DNHD1: variants seen among roughly 807,000 people sequenced by gnomAD.
DNHD1 encodes the protein dynein heavy chain domain-containing protein 1.
In DNHD1, 383 loss-of-function variants were observed where a neutral mutation model predicts 458.1. That is an observed-to-expected ratio of 0.84 (90% CI 0.77 to 0.91). DNHD1 has a LOEUF of 0.91. DNHD1 is among the 40% of genes least tolerant of loss of function. The pLI is 0.00. For missense variants in DNHD1, 5,336 were observed against 5,866.1 expected (o/e 0.91, Z 2.95); for synonymous variants, 2,203 against 2,376.9 (o/e 0.93, Z 2.13).
intron 10 of DNHD1, among the ~76,000 whole-genome samples, chr11:6,524,259 A>G (rs1220106637): frequency 6.6e-6 from 1 of 152,216 alleles, no homozygotes; most frequent in Non-Finnish European, 1.5e-5. Flanking sequence ...TACTAACTTC[A>G]AAGGTAGAGA....
chr11:6,546,741 G>A lies in DNHD1; in HGVS notation c.5802G>A (p.Ala1934=), dbSNP rs1335423746. The A allele has an allele frequency of 1.0e-4, 159 of 1,551,678 alleles. No homozygotes were observed. Among genetic ancestry groups the A allele is most frequent in the Middle Eastern group, 1.7e-4 (1 of 6,014 alleles). The part of the protein sequence containing the change: ...HLHNLRGLLC[A]LFPSASQVLA... ...ACAACCTCCGAGGGCTGTTGTGTGCGCTTTTCCCTAGCGCCAGCCAAGTGC... is the reference window on the plus strand; with the variant it reads ...ACAACCTCCGAGGGCTGTTGTGTGCACTTTTCCCTAGCGCCAGCCAAGTGC... The change falls in exon 21 of 43, where the codon GCG becomes GCA. Residue 1934 remains alanine (A), a synonymous_variant. Transcript: ENST00000254579.
Position 6,558,659 on chromosome 11 carries a change from C to A in DNHD1, c.9177C>A (p.His3059Gln). 1 of 1,551,254 alleles carries A rather than the reference C, an allele frequency of 6.4e-7. No homozygotes were observed. Among genetic ancestry groups the A allele is most frequent in the Non-Finnish European group, 8.7e-7 (1 of 1,146,990 alleles). Residue 3059 changes from histidine (H) to glutamine (Q), a missense_variant, in exon 26 of 43, where the codon CAC (histidine) becomes CAA (glutamine). His to Gln is a conservative substitution (Grantham distance 24, BLOSUM62 0). Transcript: ENST00000254579. ...QAALAKVAQH[H>Q]LEGAQSVPLD... Reference sequence around the variant, plus strand: ...CCCTGGCCAAGGTGGCCCAGCATCACCTGGAGGGTGCTCAGAGTGTGCCCC... The same window carrying A: ...CCCTGGCCAAGGTGGCCCAGCATCAACTGGAGGGTGCTCAGAGTGTGCCCC...
intron 10 of DNHD1, among the ~76,000 whole-genome samples, chr11:6,522,532 G>A (rs377708153): frequency 5.3e-5 from 8 of 152,252 alleles, no homozygotes; most frequent in African/African-American, 1.7e-4. Flanking sequence ...GATTAGTACC[G>A]TGATGAAATA....
rs1028975820 is a variant in DNHD1, at chr11:6,566,001, G to A, written c.11053+10G>A. 2.6e-6 allele frequency: 4 copies of A among 1,551,164 alleles called. No individual in the cohort carries two copies. Among genetic ancestry groups the A allele is most frequent in the South Asian group, 2.4e-5 (2 of 84,010 alleles). On this transcript the variant is annotated intron_variant, in intron 33 of 42. Transcript: ENST00000254579. The stretch of plus-strand genomic sequence containing the variant: ...GAGGCAGCTGCTTGTGGTGAGAGCT[G>A]GTCCCCACCCACCCTGGCCCCTTTT...
At chr11:6,539,342 G>C (rs1470219356) in intron 17 of DNHD1, 29 bp downstream of exon 17, 4 of 1,504,160 alleles carry the variant, frequency 2.7e-6, no homozygotes, top group Non-Finnish European at 3.6e-6. Context: ...GGGCGAGGGA[G>C]GTGGTCCAAA....
Position 6,545,820 on chromosome 11 carries a change from A to G in DNHD1, c.4881A>G (p.Ala1627=), listed in dbSNP as rs998102989. Residue 1627 remains alanine, a synonymous_variant, in exon 21 of 43, where the codon GCA becomes GCG. Transcript: ENST00000254579. The surrounding 1 kb of genome is among the most constrained non-coding windows in gnomAD (Gnocchi z 4.9). The part of the protein sequence containing the change: ...KSPLQSLKTI[A]SSEPSLSPAA... ...CCCTACAGAGTCTTAAGACTATTGC[A>G]TCTTCTGAACCCTCTCTGTCACCAG... is the stretch of plus-strand genomic sequence containing the variant. 3 of 1,551,730 alleles carry G rather than the reference A, an allele frequency of 1.9e-6. No homozygotes were observed. Among genetic ancestry groups the G allele is most frequent in the African/African-American group, 2.7e-5 (2 of 73,050 alleles).
At chr11:6,528,404 G>GGTGTGTGTGTGTGT (rs55919773) in intron 10 of DNHD1, 118 bp from the exon 11 acceptor site, 11 of 880,196 alleles carry the variant, frequency 1.2e-5, no homozygotes, top group African/African-American at 1.7e-5. Flanking sequence ...GCAGCGAATG[G>GGTGTGTGTGTGTGT]GTGTGTGTGT....
At chr11:6,516,633 T>C (rs192163990) in intron 7 of DNHD1, among the ~76,000 whole-genome samples, 483 of 152,218 alleles carry the variant, frequency 3.2e-3, no homozygotes, top group African/African-American at 0.011. Context: ...CCATAAATTA[T>C]GTATTTATTA....
chr11:6,571,428 C>A lies in DNHD1; in HGVS notation c.13911+5C>A. Reference sequence around the variant, plus strand: ...AGCAACCCTCTGCACTTCAGGGTATCTTCGCGCCGCCCCTCGTTCGCGGTT... The same window carrying A: ...AGCAACCCTCTGCACTTCAGGGTATATTCGCGCCGCCCCTCGTTCGCGGTT... On this transcript the variant is annotated splice_donor_5th_base_variant and intron_variant, in intron 42 of 42. Transcript: ENST00000254579. The surrounding 1 kb of genome is among the most constrained non-coding windows in gnomAD (Gnocchi z 5.0). 1 of 1,578,656 alleles carries A rather than the reference C, an allele frequency of 6.3e-7. No individual in the cohort carries two copies. Among genetic ancestry groups the A allele is most frequent in the Admixed American group, 1.8e-5 (1 of 57,112 alleles).
intron 13 of DNHD1, 22 bp downstream of exon 13, chr11:6,533,206 T>C: frequency 1.3e-6 from 2 of 1,549,694 alleles, no homozygotes; most frequent in South Asian, 2.4e-5. Flanking sequence ...CCATCCATCC[T>C]TCCCAGTTTA....
Position 6,545,230 on chromosome 11 carries a change from G to T in DNHD1, c.4291G>T (p.Glu1431Ter). The change falls in exon 21 of 43, where the codon GAG (glutamate) becomes TAG (stop). Residue 1431 changes from glutamate (E) to a stop codon, truncating the protein, a stop_gained. Coordinates refer to ENST00000254579, the MANE Select transcript of DNHD1 (RefSeq NM_144666.3). LOFTEE classifies it high-confidence loss of function. This position sits in a 1 kb window ranked among gnomAD's most constrained non-coding sequence, Gnocchi z 4.9. ...TGCAGTGCTAGGGGCAGGTGGGGAGGAGGTGAAGCTGCAGGGTCCCCTTCC... is the reference window on the plus strand; with the variant it reads ...TGCAGTGCTAGGGGCAGGTGGGGAGTAGGTGAAGCTGCAGGGTCCCCTTCC... ...ALAVLGAGGEEVKLQGPLPLH... is the reference protein window; with the variant it reads ...ALAVLGAGGE 6.4e-7 allele frequency: 1 copy of T among 1,551,840 alleles called. No homozygotes were observed. The highest frequency in any genetic ancestry group is 8.7e-7 in the Non-Finnish European group (1 of 1,147,020).
intron 7 of DNHD1, among the ~76,000 whole-genome samples, chr11:6,514,933 C>CTGA (rs1852426926): frequency 6.6e-6 from 1 of 152,166 alleles, no homozygotes; most frequent in South Asian, 2.1e-4. Flanking sequence ...GTATCACATA[C>CTGA]TGATGAGACA....
chr11:6,534,379 G>GT, intron 14 of DNHD1: 2 of 584,700 alleles, frequency 3.4e-6, no homozygotes, highest in Non-Finnish European at 5.9e-6. Context: ...TAGGGTGGGG[G>GT]TATGGGGGCT....
At chr11:6,516,412 C>T (rs978724657) in intron 7 of DNHD1, among the ~76,000 whole-genome samples, 3 of 151,598 alleles carry the variant, frequency 2.0e-5, no homozygotes, top group Non-Finnish European at 4.4e-5. Context: ...ATTCTCCTAC[C>T]TCAGCCTCCC....
intron 10 of DNHD1, among the ~76,000 whole-genome samples, chr11:6,522,983 T>C (rs965589862): frequency 1.8e-4 from 28 of 152,244 alleles, no homozygotes; most frequent in Admixed American, 1.0e-3. Context: ...TACTATTTGA[T>C]GTCCTTACAA....
Position 6,568,337 on chromosome 11 carries a change from A to G in DNHD1, c.12538+95A>G. ...CCTCATGGCCAGTGACCTAGCACCA[A>G]ACTTGTCCACTTGGCCTTGTATCTG... On this transcript the variant is annotated intron_variant, in intron 37 of 42. Coordinates refer to ENST00000254579, the MANE Select transcript of DNHD1 (RefSeq NM_144666.3). 2.6e-6 allele frequency: 4 copies of G among 1,557,412 alleles called. No homozygotes were observed. The South Asian group carries it at 4.8e-5, about 19-fold the overall frequency.
chr11:6,546,535 G>A lies in DNHD1; in HGVS notation c.5596G>A (p.Val1866Met). Residue 1866 changes from valine (V) to methionine (M), a missense_variant, in exon 21 of 43, where the codon GTG becomes ATG. By Grantham distance (21) the Val-to-Met change is conservative. Coordinates refer to ENST00000254579, the MANE Select transcript of DNHD1 (RefSeq NM_144666.3). Reference sequence around the variant, plus strand: ...ATTCTTCTCTCTAGAGCGTGAGCTGGTGTCTGGGCCCCTGCCCTGCCGCCT... The same window carrying A: ...ATTCTTCTCTCTAGAGCGTGAGCTGATGTCTGGGCCCCTGCCCTGCCGCCT... ...SKFFSLEREL[V>M]SGPLPCRLPL... The A allele has an allele frequency of 1.9e-6, 3 of 1,551,382 alleles. No homozygotes were observed. The highest frequency in any genetic ancestry group is 2.6e-6 in the Non-Finnish European group (3 of 1,146,986).
At chr11:6,544,092 G>T in intron 18 of DNHD1, 29 bp from the exon 19 acceptor site, 2 of 1,546,668 alleles carry the variant, frequency 1.3e-6, no homozygotes, top group South Asian at 2.4e-5. Flanking sequence ...TGCCTCATCT[G>T]ACTGCCAGTT....
At chr11:6,562,890 G>A in intron 28 of DNHD1, 92 bp from the exon 29 acceptor site, 1 of 1,412,130 alleles carries the variant, frequency 7.1e-7, no homozygotes, top group Non-Finnish European at 9.5e-7. Flanking sequence ...TTCAAGTGAG[G>A]AGTGTGCTAC....
Sources: gnomAD v4.1 joint callset for allele counts (sites outside exome capture counted in the v4.1 genomes callset) on GRCh38, gnomAD v4.1.1 for gene constraint, Gnocchi (gnomAD v3.1) non-coding constraint, MANE v1.5 for transcripts, NCBI Gene and HGNC (gene_info 2026-07-23, HGNC 2026-07-21) for gene names.